The following FHIT variants were observed in gnomAD, a reference collection of about 807,000 sequenced individuals.
FHIT encodes fragile histidine triad diadenosine triphosphatase.
In FHIT, 19 loss-of-function variants were observed where a neutral mutation model predicts 17.9. That is an observed-to-expected ratio of 1.06 (90% CI 0.74 to 1.56). The LOEUF (loss-of-function observed/expected upper bound fraction) is 1.56, where lower values mean the gene tolerates loss of function less well. Among genes scored for constraint, FHIT ranks in the 40% most tolerant of loss-of-function variants. The pLI is 0.00. For synonymous variants in FHIT, 81 were observed against 69.7 expected (o/e 1.16, Z -0.81); for missense variants, 248 against 189.2 (o/e 1.31, Z -1.82).
chr3:61,115,691 C>A (rs915709632), intron 2 of FHIT, among the ~76,000 whole-genome samples: 1 of 151,886 alleles, frequency 6.6e-6, no homozygotes. Context: ...CTTAAAGATA[C>A]CTTGAGACAG....
intron 5 of FHIT, among the ~76,000 whole-genome samples, chr3:60,115,511 G>C (rs1309617325): frequency 6.6e-6 from 1 of 152,082 alleles, no homozygotes; most frequent in Non-Finnish European, 1.5e-5. Context: ...AGTCTTCAGA[G>C]GCCACAGGTA....
chr3:61,194,832 C>T (rs917748722), intron 2 of FHIT, among the ~76,000 whole-genome samples: 2 of 152,036 alleles, frequency 1.3e-5, no homozygotes, highest in African/African-American at 2.4e-5. Flanking sequence ...TCTATTAACA[C>T]CAAAAGAACA....
chr3:60,953,574 T>C lies in FHIT; in HGVS notation c.-111+88473A>G, dbSNP rs539656477. On this transcript the variant is annotated intron_variant, in intron 3 of 9. Transcript: ENST00000492590. ...ATCGGAAATGACTGGACTTGGCAGC[T>C]CCTTTTATCACGTGGTCTATCAGCT... Among the ~76,000 whole-genome samples the C allele has an allele frequency of 2.0e-5, 3 of 152,276 alleles. No individual in the cohort carries two copies. In the South Asian group the frequency reaches 6.2e-4, roughly 32 times the overall value.
intron 4 of FHIT, chr3:60,730,138 C>T (rs1172154013): frequency 2.1e-6 from 1 of 475,970 alleles, no homozygotes; most frequent in Non-Finnish European, 4.2e-6. Flanking sequence ...TTCAAAGAAG[C>T]ACCGAAGGAC....
At chr3:60,920,145 A>G (rs1707206864) in intron 3 of FHIT, among the ~76,000 whole-genome samples, 1 of 152,148 alleles carries the variant, frequency 6.6e-6, no homozygotes, top group Non-Finnish European at 1.5e-5. Flanking sequence ...AAAATGGGAG[A>G]TAATAACAGT....
intron 7 of FHIT, among the ~76,000 whole-genome samples, chr3:59,970,604 C>G (rs1361097552): frequency 6.6e-6 from 1 of 152,092 alleles, no homozygotes; most frequent in Non-Finnish European, 1.5e-5. Context: ...TGTTATCTGG[C>G]AAGGACAGAT....
chr3:59,975,775 T>C (rs1377495310), intron 7 of FHIT, among the ~76,000 whole-genome samples: 2 of 152,064 alleles, frequency 1.3e-5, no homozygotes, highest in Non-Finnish European at 2.9e-5. Flanking sequence ...AGGTCCAGAA[T>C]AGACACTTCT....
At chr3:60,284,907 T>A (rs145824793) in intron 5 of FHIT, among the ~76,000 whole-genome samples, 2 of 152,130 alleles carry the variant, frequency 1.3e-5, no homozygotes, top group Admixed American at 1.3e-4. Context: ...CATATCTGTG[T>A]TTGGCTTTGC....
chr3:59,963,040 G>T (rs1487105600), intron 7 of FHIT, among the ~76,000 whole-genome samples: 1 of 152,142 alleles, frequency 6.6e-6, no homozygotes, highest in Non-Finnish European at 1.5e-5. Flanking sequence ...CAGATCACGA[G>T]GTCAGGAGAT....
At chr3:60,106,572 G>A (rs1000744697) in intron 5 of FHIT, among the ~76,000 whole-genome samples, 1 of 152,130 alleles carries the variant, frequency 6.6e-6, no homozygotes, top group Admixed American at 6.5e-5. Context: ...GCACCCACTG[G>A]GGGTCTTTGA....
intron 5 of FHIT, among the ~76,000 whole-genome samples, chr3:60,390,396 T>TAAAAAAAAAAAAAAAAAAAA (rs869078939): frequency 2.8e-4 from 9 of 32,026 alleles, no homozygotes; most frequent in African/African-American, 9.8e-4. Context: ...GTAATGGAGC[T>TAAAAAAAAAAAAAAAAAAAA]AAAAAAAAAA....
chr3:60,377,669 G>T (rs569707270), intron 5 of FHIT, among the ~76,000 whole-genome samples: 1 of 148,626 alleles, frequency 6.7e-6, no homozygotes, highest in Non-Finnish European at 1.5e-5. Flanking sequence ...TTTTAGTAGA[G>T]ACGGGGTTTC....
At chr3:60,173,920 T>G (rs1328201788) in intron 5 of FHIT, among the ~76,000 whole-genome samples, 3 of 116,116 alleles carry the variant, frequency 2.6e-5, no homozygotes, top group African/African-American at 6.4e-5. Context: ...TATATATGTT[T>G]TTTTTTTTTT....
intron 4 of FHIT, among the ~76,000 whole-genome samples, chr3:60,763,620 G>A (rs1201717536): frequency 1.3e-5 from 2 of 152,158 alleles, no homozygotes; most frequent in African/African-American, 4.8e-5. Flanking sequence ...GCCCATGTAT[G>A]TATCCAGCAA....
chr3:60,608,076 G>A (rs1353543424), intron 4 of FHIT, among the ~76,000 whole-genome samples: 1 of 152,162 alleles, frequency 6.6e-6, no homozygotes, highest in East Asian at 1.9e-4. Context: ...GGAGCACTCT[G>A]CCTCTTTCTG....
At chr3:60,418,557 CTTT>C (rs11452248) in intron 5 of FHIT, among the ~76,000 whole-genome samples, 14 of 95,222 alleles carry the variant, frequency 1.5e-4, no homozygotes, top group Admixed American at 1.1e-3. Context: ...TCCCTCCCAA[CTTT>C]TTTTTTTTTT....
rs368883946 is a variant in FHIT at position 60,345,568 on chromosome 3, G to C, written c.103+191292C>G. ...AATTGTAGACTAGAACGAGAACCTAGAATGATCTACCAAATCCAGTTTGTG... is the reference window on the plus strand; with the variant it reads ...AATTGTAGACTAGAACGAGAACCTACAATGATCTACCAAATCCAGTTTGTG... On this transcript the variant is annotated intron_variant, in intron 5 of 9. Coordinates refer to ENST00000492590, the MANE Select transcript of FHIT (RefSeq NM_002012.4). 1.6e-4 allele frequency among the ~76,000 whole-genome samples: 25 copies of C among 152,268 alleles called. No homozygotes were observed. In the East Asian group the frequency reaches 2.5e-3, roughly 15 times the overall value.
chr3:60,824,046 C>A (rs913988113), intron 3 of FHIT, among the ~76,000 whole-genome samples: 15 of 152,262 alleles, frequency 9.9e-5, no homozygotes, highest in African/African-American at 3.1e-4. Flanking sequence ...ATGGGCCACT[C>A]TAAGAACTTA....
chr3:60,043,710 C>T (rs901570675), intron 5 of FHIT, among the ~76,000 whole-genome samples: 5 of 151,984 alleles, frequency 3.3e-5, no homozygotes, highest in African/African-American at 4.8e-5. Context: ...TTTTCTCCCC[C>T]CAAAATCTAT....
Sources: allele counts gnomAD v4.1 joint callset (sites outside exome capture counted in the v4.1 genomes callset), GRCh38; gene constraint gnomAD v4.1.1; transcripts MANE v1.5; gene names NCBI Gene and HGNC (gene_info 2026-07-23, HGNC 2026-07-21).